Variants in ELAPOR1 observed in about 807,000 individuals in gnomAD.
ELAPOR1 encodes the protein endosome-lysosome associated apoptosis and autophagy regulator 1, also known as endosome/lysosome-associated apoptosis and autophagy regulator 1.
A neutral mutation model predicts 119.7 loss-of-function variants in ELAPOR1; 77 were observed. The ratio of observed to expected loss-of-function variants is 0.64; its 90% confidence interval spans 0.54 to 0.78. The LOEUF (loss-of-function observed/expected upper bound fraction) is 0.78. Ranked by LOEUF, ELAPOR1 falls within the 30% of genes least tolerant of loss-of-function variation. The pLI is 0.00. For missense variants in ELAPOR1, 1,115 were observed against 1,270.4 expected (o/e 0.88, Z 1.86); for synonymous variants, 481 against 487.2 (o/e 0.99, Z 0.17).
intron 7 of ELAPOR1, among the ~76,000 whole-genome samples, chr1:109,184,363 C>T (rs757501268): frequency 1.1e-4 from 16 of 152,126 alleles, no homozygotes; most frequent in Non-Finnish European, 2.2e-4. Flanking sequence ...AAGAGTGAAA[C>T]TCCATCTCAA....
intron 1 of ELAPOR1, among the ~76,000 whole-genome samples, chr1:109,137,113 A>G (rs1010640649): frequency 1.3e-5 from 2 of 152,176 alleles, no homozygotes; most frequent in Non-Finnish European, 2.9e-5. Flanking sequence ...CCCTCTTCTG[A>G]TGCTTTTACT....
chr1:109,175,877 G>A (rs1261892467), intron 7 of ELAPOR1, among the ~76,000 whole-genome samples: 2 of 147,228 alleles, frequency 1.4e-5, no homozygotes, highest in Non-Finnish European at 3.0e-5. Context: ...AGTAGATACT[G>A]TAGATTTAAA....
intron 15 of ELAPOR1, among the ~76,000 whole-genome samples, chr1:109,194,796 A>G (rs1653679998): frequency 1.3e-5 from 2 of 152,240 alleles, no homozygotes; most frequent in African/African-American, 4.8e-5. Context: ...AAGAAAATAA[A>G]GATATTTAAA....
chr1:109,159,330 A>T (rs1487132648), intron 1 of ELAPOR1, among the ~76,000 whole-genome samples: 1 of 152,232 alleles, frequency 6.6e-6, no homozygotes, highest in African/African-American at 2.4e-5. Context: ...AAATTTTCTT[A>T]GGCTTGGAAC....
rs202173485 is a variant in ELAPOR1 at position 109,191,709 on chromosome 1, G to T, written c.1546-17G>T. On this transcript the variant is annotated splice_polypyrimidine_tract_variant and intron_variant, in intron 12 of 21. Transcript: ENST00000369939. ...TCTGGCCATCGCACCCGCTTCACTT[G>T]TCTGTCCTGGGTTCAGGGTGTGAAT... 5.0e-6 allele frequency: 8 copies of T among 1,613,932 alleles called. No individual in the cohort carries two copies. The highest frequency in any genetic ancestry group is 6.8e-6 in the Non-Finnish European group (8 of 1,179,896).
At chr1:109,176,884 T>G (rs929253301) in intron 7 of ELAPOR1, among the ~76,000 whole-genome samples, 9 of 144,830 alleles carry the variant, frequency 6.2e-5, no homozygotes, top group African/African-American at 2.4e-4. Flanking sequence ...CAACCCTGAG[T>G]GGATACAGCA....
chr1:109,126,702 C>T (rs555795466), intron 1 of ELAPOR1, among the ~76,000 whole-genome samples: 25 of 152,254 alleles, frequency 1.6e-4, no homozygotes, highest in Admixed American at 5.2e-4. Context: ...AACTCCTGAC[C>T]TCAAGTGATC....
At chr1:109,185,497 T>C (rs1269893677) in intron 8 of ELAPOR1, among the ~76,000 whole-genome samples, 1 of 152,120 alleles carries the variant, frequency 6.6e-6, no homozygotes, top group African/African-American at 2.4e-5. Context: ...CTCGGCACTG[T>C]TTTGTGGGCT....
At position 109,189,672 on chromosome 1, in the gene ELAPOR1, C is replaced by G. The variant is rs375300261; in HGVS notation, c.1429C>G (p.Pro477Ala). 10 of 1,613,632 alleles carry G rather than the reference C, an allele frequency of 6.2e-6. No individual in the cohort carries two copies. The African/African-American group carries it at 1.3e-4, about 22-fold the overall frequency. ...CTTCATGATTCTCACTCTGGTTGTG[C>G]CAGGATTTAGGTGAGGAATCCAAAG... Reference protein sequence around the residue: ...NDFMILTLVVPGFRPPQSVMA... With the variant: ...NDFMILTLVVAGFRPPQSVMA... The change falls in exon 11 of 22, where the codon CCA (proline) becomes GCA (alanine). Residue 477 changes from proline to alanine, a missense_variant. Physicochemically the swap from Pro to Ala is conservative, Grantham distance 27. Transcript: ENST00000369939.
In ELAPOR1 at chr1:109,185,107, C is replaced by T. The variant is rs1393398245; in HGVS notation, c.1015C>T (p.His339Tyr). The change falls in exon 8 of 22, where the codon CAC becomes TAC. Residue 339 changes from histidine (H) to tyrosine (Y), a missense_variant. His to Tyr is a moderately conservative substitution (Grantham distance 83). Transcript: ENST00000369939. Reference sequence around the variant, plus strand: ...CACAGACAAAGATTATTTCTACACACACACGGCCTGCGATGCCAACGGAGA... The same window carrying T: ...CACAGACAAAGATTATTTCTACACATACACGGCCTGCGATGCCAACGGAGA... ...ACTDKDYFYT[H>Y]TACDANGETQ... 1 of 1,614,122 alleles carries T rather than the reference C, an allele frequency of 6.2e-7. No individual in the cohort carries two copies.
intron 1 of ELAPOR1, among the ~76,000 whole-genome samples, chr1:109,116,966 C>T (rs1032567070): frequency 6.6e-6 from 1 of 152,228 alleles, no homozygotes; most frequent in Non-Finnish European, 1.5e-5. Context: ...GCTGGGACTG[C>T]AGGCGTGAGT....
rs1444526580 is a variant in ELAPOR1, at chr1:109,202,946, G to C, written c.2976G>C (p.Arg992Ser). The C allele has an allele frequency of 6.2e-7, 1 of 1,613,742 alleles. No individual in the cohort carries two copies. Among genetic ancestry groups the C allele is most frequent in the Admixed American group, 1.7e-5 (1 of 59,948 alleles). Reference protein sequence around the residue: ...FGKIKSFTSKRTPDGFDSVPL... With the variant: ...FGKIKSFTSKSTPDGFDSVPL... ...TCCTGTCACCATCTCTCTTTCAGAGGACTCCTGATGGATTTGACTCAGTGC... is the reference window on the plus strand; with the variant it reads ...TCCTGTCACCATCTCTCTTTCAGAGCACTCCTGATGGATTTGACTCAGTGC... Residue 992 changes from arginine to serine, a missense_variant and splice_region_variant, in exon 22 of 22, where the codon AGG becomes AGC. Coordinates refer to ENST00000369939, the MANE Select transcript of ELAPOR1 (RefSeq NM_020775.5).
intron 1 of ELAPOR1, among the ~76,000 whole-genome samples, chr1:109,134,631 C>T (rs1649348491): frequency 6.6e-6 from 1 of 152,208 alleles, no homozygotes; most frequent in South Asian, 2.1e-4. Context: ...GCGGCTGCTG[C>T]ACCTGCTGCT....
intron 1 of ELAPOR1, among the ~76,000 whole-genome samples, chr1:109,137,895 GA>G (rs1649579524): frequency 6.6e-6 from 1 of 152,164 alleles, no homozygotes; most frequent in African/African-American, 2.4e-5. Flanking sequence ...AGGGACACAA[GA>G]AAGATCTTCA....
At chr1:109,141,117 G>C (rs1028181068) in intron 1 of ELAPOR1, among the ~76,000 whole-genome samples, 1 of 152,146 alleles carries the variant, frequency 6.6e-6, no homozygotes, top group African/African-American at 2.4e-5. Flanking sequence ...CTCCCAAAGT[G>C]CTGGGATTAC....
chr1:109,199,154 C>T (rs1654008959), intron 18 of ELAPOR1, among the ~76,000 whole-genome samples: 1 of 152,200 alleles, frequency 6.6e-6, no homozygotes, highest in African/African-American at 2.4e-5. Context: ...TCCTAGGAAT[C>T]TCTCTGCAAC....
At chr1:109,198,787 T>A in intron 18 of ELAPOR1, 113 bp downstream of exon 18, 1 of 895,258 alleles carries the variant, frequency 1.1e-6, no homozygotes. Flanking sequence ...TGAGATCCAT[T>A]AATGGGTGCT....
At chr1:109,142,565 A>G (rs1211494291) in intron 1 of ELAPOR1, among the ~76,000 whole-genome samples, 1 of 152,220 alleles carries the variant, frequency 6.6e-6, no homozygotes, top group Non-Finnish European at 1.5e-5. Context: ...ACAGCCGGGC[A>G]CTGTCCTGAT....
At chr1:109,169,790 G>T (rs970644994) in intron 3 of ELAPOR1, among the ~76,000 whole-genome samples, 2 of 152,164 alleles carry the variant, frequency 1.3e-5, no homozygotes, top group African/African-American at 4.8e-5. Flanking sequence ...GAGAGGATGT[G>T]GAGCAACAGG....
Sources: gnomAD v4.1 joint callset for allele counts (sites outside exome capture counted in the v4.1 genomes callset) on GRCh38, gnomAD v4.1.1 for gene constraint, MANE v1.5 for transcripts, NCBI Gene and HGNC (gene_info 2026-07-23, HGNC 2026-07-21) for gene names.